Variants in CTNNA3 observed in about 807,000 individuals in gnomAD.
The protein encoded by CTNNA3 is catenin alpha 3.
Under a neutral mutation model 95.7 loss-of-function variants are expected in CTNNA3, and 76 were observed. The observed-to-expected ratio is 0.79, with a 90% CI of 0.66 to 0.96. The LOEUF (loss-of-function observed/expected upper bound fraction) is 0.96, where lower values mean the gene tolerates loss of function less well. Ranked by LOEUF, CTNNA3 falls within the 40% of genes least tolerant of loss-of-function variation. The pLI, the probability that CTNNA3 is intolerant of heterozygous loss-of-function variation, is 0.00. For synonymous variants in CTNNA3, 431 were observed against 374.4 expected, an observed-to-expected ratio of 1.15 and a Z score of -1.74; for missense variants, 1,191 against 1,089.8, an observed-to-expected ratio of 1.09 and a Z score of -1.31.
upstream of CTNNA3, among the ~76,000 whole-genome samples, chr10:67,698,382 G>A (rs572769986): frequency 2.6e-5 from 4 of 152,336 alleles, no homozygotes; most frequent in African/African-American, 7.2e-5. Context: ...GTATTGAGAA[G>A]CCCCTTGATG....
At chr10:66,273,480 T>C (rs2091325869) in intron 13 of CTNNA3, among the ~76,000 whole-genome samples, 1 of 152,126 alleles carries the variant, frequency 6.6e-6, no homozygotes, top group Non-Finnish European at 1.5e-5. Context: ...ATCAAAACCA[T>C]GAATAAGGGG....
intron 12 of CTNNA3, among the ~76,000 whole-genome samples, chr10:66,377,063 T>C (rs2092801115): frequency 6.6e-6 from 1 of 152,142 alleles, no homozygotes; most frequent in South Asian, 2.1e-4. Context: ...GAATTCCTTT[T>C]AGTAAGGCAT....
At chr10:67,320,867 A>G (rs1457076494) in intron 5 of CTNNA3, among the ~76,000 whole-genome samples, 1 of 152,218 alleles carries the variant, frequency 6.6e-6, no homozygotes, top group Non-Finnish European at 1.5e-5. Context: ...TGAGATTGGA[A>G]GGAAACATTT....
intron 7 of CTNNA3, among the ~76,000 whole-genome samples, chr10:66,895,221 T>C (rs532298725): frequency 6.6e-6 from 1 of 152,196 alleles, no homozygotes; most frequent in African/African-American, 2.4e-5. Flanking sequence ...TCCCAAAAGC[T>C]ATGCCCCAAT....
chr10:67,209,268 C>T lies in CTNNA3; in HGVS notation c.843+10339G>A, dbSNP rs1269232008. Among the ~76,000 whole-genome samples the T allele has an allele frequency of 9.9e-5, 15 of 152,144 alleles. No homozygotes were observed. In the South Asian group the frequency reaches 1.5e-3, roughly 15 times the overall value. On this transcript the variant is annotated intron_variant, in intron 6 of 17. Transcript: ENST00000433211. ...TTCACTATGTTGGCCAGGCTGGTCT[C>T]GACCTCCTAACCTCAGGTGATCCAC...
intron 15 of CTNNA3, among the ~76,000 whole-genome samples, chr10:66,036,635 C>A (rs928306432): frequency 6.6e-6 from 1 of 152,112 alleles, no homozygotes; most frequent in African/African-American, 2.4e-5. Flanking sequence ...CTCAGCCTCC[C>A]AATGTGTTAG....
intron 5 of CTNNA3, among the ~76,000 whole-genome samples, chr10:67,238,838 A>G (rs555940206): frequency 5.6e-4 from 86 of 152,246 alleles, no homozygotes; most frequent in African/African-American, 2.0e-3. Context: ...TCTTGAATGC[A>G]AGTACTATGG....
chr10:66,067,804 T>G (rs912540377), intron 15 of CTNNA3, among the ~76,000 whole-genome samples: 10 of 151,962 alleles, frequency 6.6e-5, no homozygotes, highest in Non-Finnish European at 1.2e-4. Flanking sequence ...TAGTCCCAGC[T>G]ACTCGGGAGG....
At chr10:66,680,516 A>G (rs1406768282) in intron 9 of CTNNA3, among the ~76,000 whole-genome samples, 1 of 152,190 alleles carries the variant, frequency 6.6e-6, no homozygotes, top group Non-Finnish European at 1.5e-5. Flanking sequence ...GTATGTATGA[A>G]TGAACAGCAA....
intron 9 of CTNNA3, among the ~76,000 whole-genome samples, chr10:66,729,876 G>A (rs530462148): frequency 4.7e-4 from 71 of 151,280 alleles, no homozygotes; most frequent in Non-Finnish European, 7.7e-4. Flanking sequence ...AGGCTGAGGC[G>A]GGCGGATCAC....
chr10:67,457,519 A>G lies in CTNNA3; in HGVS notation c.579+64323T>C, dbSNP rs115752091. Among the ~76,000 whole-genome samples, 967 of 152,328 alleles carry G rather than the reference A, an allele frequency of 6.3e-3. 14 individuals are homozygous for G. The highest frequency in any genetic ancestry group is 0.022 in the African/African-American group (898 of 41,578). On this transcript the variant is annotated intron_variant, in intron 5 of 17. Transcript: ENST00000433211. ...CATTCATCAAATCAGAATAAAAAAT[A>G]TCCATTTCTGAATTTCTAACAGTTT...
chr10:67,762,156 G>T (rs545545779), intron 1 of CTNNA3, among the ~76,000 whole-genome samples: 1 of 144,690 alleles, frequency 6.9e-6, no homozygotes, highest in African/African-American at 2.6e-5. Flanking sequence ...TTTTGATCTC[G>T]GCTCATTCTA....
At chr10:66,005,260 G>A (rs770479754) in intron 15 of CTNNA3, among the ~76,000 whole-genome samples, 4 of 152,248 alleles carry the variant, frequency 2.6e-5, no homozygotes, top group East Asian at 1.9e-4. Context: ...GGTGGACATC[G>A]TGGAGAGCCA....
intron 2 of CTNNA3, among the ~76,000 whole-genome samples, chr10:67,638,716 C>T (rs1306352535): frequency 1.3e-5 from 2 of 152,088 alleles, no homozygotes; most frequent in Admixed American, 1.3e-4. Context: ...CACTCAAAAC[C>T]ACTCAACTAC....
At chr10:67,729,508 T>C (rs748531571) in intron 1 of CTNNA3, among the ~76,000 whole-genome samples, 6 of 152,174 alleles carry the variant, frequency 3.9e-5, no homozygotes, top group Non-Finnish European at 2.9e-5. Flanking sequence ...ATTTAATTTC[T>C]ATATTGCTAA....
At chr10:67,113,979 A>G (rs1859038351) in intron 7 of CTNNA3, among the ~76,000 whole-genome samples, 1 of 152,024 alleles carries the variant, frequency 6.6e-6, no homozygotes, top group South Asian at 2.1e-4. Context: ...GCTACTCAGG[A>G]GGCTGGGGTG....
chr10:67,208,060 C>T (rs59292704), intron 6 of CTNNA3, among the ~76,000 whole-genome samples: 7,608 of 152,122 alleles, frequency 0.05, 245 homozygotes, highest in South Asian at 0.11. Context: ...AAAAGAGATT[C>T]AAATGTTTAT....
chr10:67,472,312 T>A lies in CTNNA3; in HGVS notation c.579+49530A>T, dbSNP rs560331080. Among the ~76,000 whole-genome samples, 12 of 152,270 alleles carry A rather than the reference T, an allele frequency of 7.9e-5. No homozygotes were observed. The South Asian group carries it at 8.3e-4, about 11-fold the overall frequency. ...ACATAGAATTACATTTCCCCTCTTATCTGTTCTATCTTAGATAAAAATGCA... is the reference window on the plus strand; with the variant it reads ...ACATAGAATTACATTTCCCCTCTTAACTGTTCTATCTTAGATAAAAATGCA... On this transcript the variant is annotated intron_variant, in intron 5 of 17. Transcript: ENST00000433211.
At chr10:66,854,844 G>A (rs1212967781) in intron 7 of CTNNA3, among the ~76,000 whole-genome samples, 1 of 151,662 alleles carries the variant, frequency 6.6e-6, no homozygotes, top group Admixed American at 6.6e-5. Context: ...CGGTCTGGAA[G>A]GAAGCATTGG....
Sources: gnomAD v4.1 joint callset for allele counts (sites outside exome capture counted in the v4.1 genomes callset) on GRCh38, gnomAD v4.1.1 for gene constraint, MANE v1.5 for transcripts, NCBI Gene and HGNC (gene_info 2026-07-23, HGNC 2026-07-21) for gene names.